Variants in NEK7 observed in about 807,000 individuals in gnomAD.
The protein encoded by NEK7 is NIMA related kinase 7, also known as serine/threonine-protein kinase Nek7.
A neutral mutation model predicts 44.6 loss-of-function variants in NEK7; 18 were observed. The ratio of observed to expected loss-of-function variants is 0.40; its 90% CI spans 0.28 to 0.60. The LOEUF (loss-of-function observed/expected upper bound fraction) is 0.60, where lower values mean the gene tolerates loss of function less well. Among genes scored for constraint, NEK7 ranks in the 20% least tolerant of loss-of-function variants. The pLI, the probability that NEK7 is intolerant of heterozygous loss-of-function variation, is 0.38. For synonymous variants in NEK7, 130 were observed against 121.1 expected, an observed-to-expected ratio of 1.07 and a Z score of -0.48; for missense variants, 256 against 366.5, an observed-to-expected ratio of 0.70 and a Z score of 2.46.
chr1:198,316,054 A>G (rs984560838), intron 9 of NEK7, among the ~76,000 whole-genome samples: 1 of 152,246 alleles, frequency 6.6e-6, no homozygotes, highest in Non-Finnish European at 1.5e-5. Context: ...TAGATTTTTC[A>G]AAGGAAGATA....
rs74134587 is a variant in NEK7, at chr1:198,233,866, A to G, written c.57+1229A>G. On this transcript the variant is annotated intron_variant, in intron 2 of 9. Coordinates refer to ENST00000367385, the MANE Select transcript of NEK7 (RefSeq NM_133494.3). ...ATGACTTTGCTGATTTTGATTTTGT[A>G]CCCTCCATCTTCCCCTCCAATTTTC... 7.7e-3 allele frequency among the ~76,000 whole-genome samples: 1,143 copies of G among 148,362 alleles called. 24 individuals are homozygous for G. The highest frequency in any genetic ancestry group is 0.027 in the African/African-American group (1,065 of 40,058).
At chr1:198,180,171 T>C (rs1664721993) in intron 1 of NEK7, among the ~76,000 whole-genome samples, 2 of 151,940 alleles carry the variant, frequency 1.3e-5, no homozygotes, top group African/African-American at 2.4e-5. Context: ...AGAATCATGA[T>C]TTCTACACCT....
intron 7 of NEK7, among the ~76,000 whole-genome samples, chr1:198,285,555 G>A (rs1654341326): frequency 6.6e-6 from 1 of 151,996 alleles, no homozygotes; most frequent in South Asian, 2.1e-4. Context: ...ATACGTTTTT[G>A]TGATCCCATG....
At chr1:198,280,938 T>C (rs1461054653) in intron 7 of NEK7, among the ~76,000 whole-genome samples, 1 of 151,610 alleles carries the variant, frequency 6.6e-6, no homozygotes, top group Non-Finnish European at 1.5e-5. Context: ...TATTTTTTGT[T>C]TTACATATTA....
chr1:198,219,534 T>C (rs1666026147), intron 1 of NEK7, among the ~76,000 whole-genome samples: 1 of 149,104 alleles, frequency 6.7e-6, no homozygotes, highest in Admixed American at 6.6e-5. Flanking sequence ...TGTGAGTTAA[T>C]GGACATTGGA....
chr1:198,307,067 A>C (rs1021976035), intron 9 of NEK7, among the ~76,000 whole-genome samples: 2 of 152,162 alleles, frequency 1.3e-5, no homozygotes, highest in African/African-American at 4.8e-5. Context: ...AGGGAATGTA[A>C]ATGTATACCT....
At chr1:198,224,866 T>G (rs1421799693) in intron 1 of NEK7, among the ~76,000 whole-genome samples, 1 of 151,972 alleles carries the variant, frequency 6.6e-6, no homozygotes, top group Admixed American at 6.6e-5. Flanking sequence ...TGGTGATACA[T>G]GTAGAAATAA....
At chr1:198,190,104 T>C (rs1308331236) in intron 1 of NEK7, among the ~76,000 whole-genome samples, 7 of 152,158 alleles carry the variant, frequency 4.6e-5, no homozygotes, top group Non-Finnish European at 1.0e-4. Flanking sequence ...AATGAAAATA[T>C]TACTGCCACA....
intron 5 of NEK7, 127 bp downstream of exon 5, chr1:198,264,362 T>C (rs1025540935): frequency 2.2e-5 from 14 of 631,694 alleles, no homozygotes; most frequent in Non-Finnish European, 3.5e-5. Flanking sequence ...ATCTGATAGA[T>C]ATGTAACAAA....
intron 3 of NEK7, among the ~76,000 whole-genome samples, chr1:198,257,951 A>G (rs1653330022): frequency 6.6e-6 from 1 of 152,198 alleles, no homozygotes; most frequent in African/African-American, 2.4e-5. Context: ...TAGACAATAA[A>G]TCAAATAATT....
At chr1:198,256,274 C>T in intron 3 of NEK7, 1 of 1,463,624 alleles carries the variant, frequency 6.8e-7, no homozygotes, top group Non-Finnish European at 9.0e-7. Flanking sequence ...ATTTAGTTCA[C>T]TGATTCAGGG....
chr1:198,312,956 C>G (rs145045199), intron 9 of NEK7, among the ~76,000 whole-genome samples: 1 of 151,974 alleles, frequency 6.6e-6, no homozygotes, highest in Non-Finnish European at 1.5e-5. Context: ...CTATTAGGTC[C>G]GCTTGGTGTA....
intron 9 of NEK7, among the ~76,000 whole-genome samples, chr1:198,303,373 T>C (rs1027159037): frequency 1.3e-5 from 2 of 152,196 alleles, no homozygotes; most frequent in Admixed American, 6.5e-5. Context: ...TTATAAATAA[T>C]TTTTGTTTAT....
intron 7 of NEK7, among the ~76,000 whole-genome samples, chr1:198,285,298 G>A (rs985132334): frequency 1.3e-5 from 2 of 152,072 alleles, no homozygotes; most frequent in Non-Finnish European, 2.9e-5. Context: ...AATGAATGAA[G>A]CTTAGAGACA....
intron 7 of NEK7, among the ~76,000 whole-genome samples, chr1:198,285,226 A>G (rs1654330820): frequency 6.6e-6 from 1 of 152,134 alleles, no homozygotes; most frequent in South Asian, 2.1e-4. Context: ...TGGTTCCCTC[A>G]TGTATCCTAG....
chr1:198,256,810 C>T (rs1028138531), intron 3 of NEK7, among the ~76,000 whole-genome samples: 3 of 152,120 alleles, frequency 2.0e-5, no homozygotes, highest in East Asian at 3.9e-4. Context: ...TCACAGAGTT[C>T]GTGAGCTGGG....
intron 7 of NEK7, among the ~76,000 whole-genome samples, chr1:198,280,804 T>C (rs1173869031): frequency 6.7e-6 from 1 of 149,526 alleles, no homozygotes; most frequent in East Asian, 1.9e-4. Flanking sequence ...ACATTATAAA[T>C]AAACATATGC....
At chr1:198,253,531 C>G (rs1489088472) in intron 3 of NEK7, among the ~76,000 whole-genome samples, 1 of 151,980 alleles carries the variant, frequency 6.6e-6, no homozygotes, top group Non-Finnish European at 1.5e-5. Context: ...TAGTCAGAAA[C>G]TAGAGTCACA....
At chr1:198,295,725 C>T (rs1423356535) in intron 8 of NEK7, among the ~76,000 whole-genome samples, 1 of 150,878 alleles carries the variant, frequency 6.6e-6, no homozygotes, top group Non-Finnish European at 1.5e-5. Context: ...GTTTTGCAAA[C>T]ACGGAGAGAC....
Sources: gnomAD v4.1 joint callset for allele counts (sites outside exome capture counted in the v4.1 genomes callset) on GRCh38, gnomAD v4.1.1 for gene constraint, MANE v1.5 for transcripts, NCBI Gene and HGNC (gene_info 2026-07-23, HGNC 2026-07-21) for gene names.